POU2F1: variants seen among roughly 807,000 people sequenced by gnomAD.
POU2F1 encodes POU class 2 homeobox 1.
A neutral mutation model predicts 84.9 loss-of-function variants in POU2F1; 16 were observed. The observed-to-expected ratio is 0.19, with a 90% CI of 0.13 to 0.29. POU2F1 has a LOEUF of 0.29. POU2F1 is among the 10% of genes least tolerant of loss of function. The pLI is 1.00. For synonymous variants in POU2F1, 368 were observed against 368.3 expected (o/e 1.00, Z 0.01); for missense variants, 738 against 942.6 (o/e 0.78, Z 2.84).
At chr1:167,241,393 T>G (rs1238594132) in intron 1 of POU2F1, 2 of 152,192 alleles carry the variant, frequency 1.3e-5, no homozygotes, top group Non-Finnish European at 2.9e-5. Flanking sequence ...ATCAGGAACC[T>G]TTTATGATTC....
chr1:167,239,080 T>C (rs890454007), intron 1 of POU2F1, among the ~76,000 whole-genome samples: 3 of 152,270 alleles, frequency 2.0e-5, no homozygotes, highest in Admixed American at 6.5e-5. Flanking sequence ...TGACAAACTT[T>C]TTTTCCCCCC....
At chr1:167,243,890 C>A (rs980419336) in intron 1 of POU2F1, among the ~76,000 whole-genome samples, 1 of 152,198 alleles carries the variant, frequency 6.6e-6, no homozygotes, top group African/African-American at 2.4e-5. Flanking sequence ...GTACAGGACC[C>A]AGATTTCAGC....
At chr1:167,408,497 A>G (rs1378339260) in intron 13 of POU2F1, among the ~76,000 whole-genome samples, 1 of 152,226 alleles carries the variant, frequency 6.6e-6, no homozygotes, top group Non-Finnish European at 1.5e-5. Context: ...AAAATGTGTT[A>G]TATCTACACA....
At chr1:167,367,787 C>T (rs934801220) in intron 3 of POU2F1, among the ~76,000 whole-genome samples, 2 of 151,774 alleles carry the variant, frequency 1.3e-5, no homozygotes, top group African/African-American at 2.4e-5. Flanking sequence ...TGTATGTACA[C>T]GTACAAATTT....
chr1:167,236,699 C>T (rs973880078), intron 1 of POU2F1, among the ~76,000 whole-genome samples: 3 of 152,156 alleles, frequency 2.0e-5, no homozygotes, highest in African/African-American at 7.2e-5. Context: ...TTGCATCCCA[C>T]TATTAGCTGT....
intron 2 of POU2F1, among the ~76,000 whole-genome samples, chr1:167,358,132 T>C (rs921597565): frequency 4.9e-5 from 7 of 144,068 alleles, no homozygotes; most frequent in African/African-American, 1.5e-4. Flanking sequence ...CTTTTTTTTT[T>C]TTTTTTTTTT....
chr1:167,257,673 A>G (rs1651245075), intron 1 of POU2F1: 2 of 152,220 alleles, frequency 1.3e-5, no homozygotes, highest in Non-Finnish European at 2.9e-5. Flanking sequence ...GACTTTGGCA[A>G]CTAGAGGTAA....
chr1:167,334,238 G>A (rs1486390135), intron 2 of POU2F1, among the ~76,000 whole-genome samples: 1 of 134,328 alleles, frequency 7.4e-6, no homozygotes, highest in African/African-American at 2.9e-5. Flanking sequence ...TCGGCTCACT[G>A]CAACCTCTGC....
At chr1:167,405,885 T>C (rs59372784) in intron 13 of POU2F1, among the ~76,000 whole-genome samples, 13,347 of 152,236 alleles carry the variant, frequency 0.088, 1,861 homozygotes, top group African/African-American at 0.3. Context: ...ATTAAAATCA[T>C]ACAAAGTGTG....
chr1:167,345,200 T>C (rs1557911638), intron 2 of POU2F1, among the ~76,000 whole-genome samples: 1 of 152,064 alleles, frequency 6.6e-6, no homozygotes, highest in Non-Finnish European at 1.5e-5. Context: ...AACAGATGAG[T>C]CAGGGATCCA....
intron 2 of POU2F1, among the ~76,000 whole-genome samples, chr1:167,364,599 A>G (rs540597293): frequency 3.0e-5 from 4 of 134,300 alleles, no homozygotes; most frequent in Non-Finnish European, 4.7e-5. Context: ...TTTTTTTGAG[A>G]CAAGTTTTAG....
At chr1:167,403,983 A>G (rs1222039750) in intron 13 of POU2F1, among the ~76,000 whole-genome samples, 1 of 152,136 alleles carries the variant, frequency 6.6e-6, no homozygotes, top group Non-Finnish European at 1.5e-5. Context: ...TAGTGTTGCT[A>G]GTGAAAAGTC....
In POU2F1 at chr1:167,415,947, A is replaced by AC; in HGVS notation, c.*137_*138insC. 1.1e-6 allele frequency: 1 copy of AC among 907,392 alleles called. No individual in the cohort carries two copies. Among genetic ancestry groups the AC allele is most frequent in the South Asian group, 1.7e-5 (1 of 59,520 alleles). The allele number at this position is 907,392 out of a possible 1,614,324, so 56.2% of individuals were successfully genotyped here. On this transcript the variant is annotated 3_prime_UTR_variant, in exon 16 of 16. Coordinates refer to ENST00000367866, the MANE Select transcript of POU2F1 (RefSeq NM_002697.4). ...GGGCAAAGGAGAGAAGGGAGAAAAA[A>AC]AAAAAAAAACCACACACACCCATAC...
intron 1 of POU2F1, among the ~76,000 whole-genome samples, chr1:167,263,471 C>T (rs951358707): frequency 1.9e-4 from 28 of 151,236 alleles, no homozygotes; most frequent in African/African-American, 6.3e-4. Context: ...GCGCCAAGAT[C>T]GGGCCATTGC....
rs1409196231 is a variant in POU2F1 at position 167,424,804 on chromosome 1, T to C, written c.*8994T>C. The stretch of plus-strand genomic sequence containing the variant: ...ACCCTGCCTTTAGGGGCTGGCCAGC[T>C]ATCCACACCCCTAACCCACCCTGTG... On this transcript the variant is annotated 3_prime_UTR_variant, in exon 16 of 16. Transcript: ENST00000367866. The C allele has an allele frequency of 1.3e-5, 2 of 152,348 alleles. No homozygotes were observed. The highest frequency in any genetic ancestry group is 3.9e-4 in the East Asian group (2 of 5,188). The allele number at this position is 152,348 out of a possible 1,614,324, so 9.4% of individuals were successfully genotyped here.
intron 2 of POU2F1, among the ~76,000 whole-genome samples, chr1:167,340,552 C>G (rs1657779082): frequency 6.6e-6 from 1 of 151,588 alleles, no homozygotes; most frequent in African/African-American, 2.4e-5. Context: ...CCGCCTCAGC[C>G]TCTCAAGTAG....
chr1:167,343,450 A>G (rs376091112), intron 2 of POU2F1, among the ~76,000 whole-genome samples: 207 of 151,992 alleles, frequency 1.4e-3, no homozygotes, highest in Middle Eastern at 6.8e-3. Context: ...GTTTTATTTC[A>G]TGTTACTTTT....
At chr1:167,298,301 T>C (rs771025294) in intron 1 of POU2F1, among the ~76,000 whole-genome samples, 2 of 152,180 alleles carry the variant, frequency 1.3e-5, no homozygotes, top group East Asian at 3.8e-4. Context: ...GAGTAAATGC[T>C]GGAAACACAT....
chr1:167,224,201 A>G (rs1648451454), intron 1 of POU2F1, among the ~76,000 whole-genome samples: 1 of 152,186 alleles, frequency 6.6e-6, no homozygotes. Flanking sequence ...CAAATGGAGT[A>G]TTTGGGTTTT....
Sources: gnomAD v4.1 joint callset for allele counts (sites outside exome capture counted in the v4.1 genomes callset) on GRCh38, gnomAD v4.1.1 for gene constraint, MANE v1.5 for transcripts, NCBI Gene and HGNC (gene_info 2026-07-23, HGNC 2026-07-21) for gene names.